Variants in ZNF423 observed in about 807,000 individuals in gnomAD.
ZNF423 encodes zinc finger protein 423, also known as Ebf-associated zinc finger protein.
A neutral mutation model predicts 95.8 loss-of-function variants in ZNF423; 12 were observed. The observed-to-expected ratio is 0.13, with a 90% CI of 0.08 to 0.20. ZNF423 has a LOEUF of 0.20. Ranked by LOEUF, ZNF423 falls within the 10% of genes least tolerant of loss-of-function variation. The pLI is 1.00. For missense variants in ZNF423, 1,316 were observed against 1,737.1 expected (o/e 0.76, Z 4.31); for synonymous variants, 749 against 711.9 (o/e 1.05, Z -0.83).
chr16:49,790,943 C>T (rs1452826073), intron 1 of ZNF423, among the ~76,000 whole-genome samples: 1 of 152,174 alleles, frequency 6.6e-6, no homozygotes, highest in African/African-American at 2.4e-5. Flanking sequence ...GCCCAACCAA[C>T]CGAGTGGGGG....
intron 3 of ZNF423, among the ~76,000 whole-genome samples, chr16:49,659,048 C>T (rs547121972): frequency 2.6e-5 from 4 of 152,334 alleles, no homozygotes; most frequent in Non-Finnish European, 5.9e-5. Flanking sequence ...TTTACTCACT[C>T]ATATTAGTCT....
At chr16:49,819,205 G>A (rs913900700) in intron 1 of ZNF423, among the ~76,000 whole-genome samples, 30 of 142,928 alleles carry the variant, frequency 2.1e-4, no homozygotes, top group African/African-American at 7.0e-4. Flanking sequence ...AGCAGAGATC[G>A]TGCCACTGCA....
rs35483861 is a variant in ZNF423, at chr16:49,560,850, CCTT to C, written c.3602-35359_3602-35357del. Among the ~76,000 whole-genome samples, 510 of 152,316 alleles carry C rather than the reference CCTT, an allele frequency of 3.3e-3. 1 individual carries two copies. The highest frequency in any genetic ancestry group is 5.2e-3 in the Non-Finnish European group (352 of 68,036). On this transcript the variant is annotated intron_variant, in intron 5 of 7. Coordinates refer to ENST00000563137, the MANE Select transcript of ZNF423 (RefSeq NM_001379286.1). ...GAAGCCAAGCCTGGATTCTCCCCCT[CCTT>C]CTTCACCTCTTCTTTTCTTCTTTTC...
rs981869883 is a variant in ZNF423, at chr16:49,717,230, C to T, written c.301+13541G>A. 4.1e-5 allele frequency among the ~76,000 whole-genome samples: 6 copies of T among 147,946 alleles called. No homozygotes were observed. The East Asian group carries it at 1.2e-3, about 29-fold the overall frequency. ...CATCCCCACTCCCCCACTGCCCTGG[C>T]ACACAGAGGCATCTTACCCAGAGGC... On this transcript the variant is annotated intron_variant, in intron 3 of 7. Transcript: ENST00000563137.
chr16:49,514,614 G>C (rs1051012324), intron 7 of ZNF423, among the ~76,000 whole-genome samples: 1 of 152,110 alleles, frequency 6.6e-6, no homozygotes, highest in African/African-American at 2.4e-5. Flanking sequence ...AAAGGGCTCC[G>C]GGTTGCTTGT....
At position 49,638,053 on chromosome 16, in the gene ZNF423, T is replaced by C; in HGVS notation, c.1123A>G (p.Met375Val). 6.2e-7 allele frequency: 1 copy of C among 1,613,920 alleles called. No homozygotes were observed. The change falls in exon 4 of 8, where the codon ATG (methionine) becomes GTG (valine). Residue 375 changes from methionine (M) to valine (V), a missense_variant. By Grantham distance (21) the Met-to-Val change is conservative. This residue lies in a region of ZNF423 where 399 missense variants were observed against 478.5 expected (regional missense o/e 0.83). Coordinates refer to ENST00000563137, the MANE Select transcript of ZNF423 (RefSeq NM_001379286.1). The surrounding 1 kb of genome is among the most constrained non-coding windows in gnomAD (Gnocchi z 5.6). ...PDPVLGSVAS[M>V]SSATPDSSAS... Reference sequence around the variant, plus strand: ...CTGGAGTCGGGTGTGGCGCTGCTCATGGAGGCCACGCTGCCCAGTACAGGG... The same window carrying C: ...CTGGAGTCGGGTGTGGCGCTGCTCACGGAGGCCACGCTGCCCAGTACAGGG...
chr16:49,827,556 C>A (rs2035018742), intron 1 of ZNF423, among the ~76,000 whole-genome samples: 1 of 151,930 alleles, frequency 6.6e-6, no homozygotes, highest in Admixed American at 6.6e-5. Context: ...CATTCTATCT[C>A]CCAGGCTGGA....
chr16:49,717,041 C>T (rs967398464), intron 3 of ZNF423, among the ~76,000 whole-genome samples: 6 of 152,282 alleles, frequency 3.9e-5, no homozygotes, highest in East Asian at 1.9e-4. Context: ...TCTCCTCCCC[C>T]GCCACCCTCT....
At chr16:49,634,272 G>C (rs34190927) in intron 4 of ZNF423, among the ~76,000 whole-genome samples, 1 of 149,158 alleles carries the variant, frequency 6.7e-6, no homozygotes, top group African/African-American at 2.5e-5. Context: ...GCAATGGTGT[G>C]ATCATAGCTA....
At chr16:49,601,722 G>A (rs1971379499) in intron 5 of ZNF423, among the ~76,000 whole-genome samples, 1 of 152,222 alleles carries the variant, frequency 6.6e-6, no homozygotes, top group Non-Finnish European at 1.5e-5. Flanking sequence ...CTTCTCTCTG[G>A]GCTCAGTCAG....
At chr16:49,575,690 C>T (rs1361592523) in intron 5 of ZNF423, among the ~76,000 whole-genome samples, 1 of 152,196 alleles carries the variant, frequency 6.6e-6, no homozygotes, top group African/African-American at 2.4e-5. Context: ...GCAGCATTTG[C>T]CCTGGGTGTC....
intron 5 of ZNF423, among the ~76,000 whole-genome samples, chr16:49,554,354 C>A (rs1162197621): frequency 6.6e-6 from 1 of 152,168 alleles, no homozygotes; most frequent in African/African-American, 2.4e-5. Context: ...GGAGGCAAGA[C>A]CCACACCACC....
intron 7 of ZNF423, among the ~76,000 whole-genome samples, chr16:49,513,242 C>T (rs983800868): frequency 6.6e-6 from 1 of 152,198 alleles, no homozygotes; most frequent in Non-Finnish European, 1.5e-5. Context: ...GGAACCACCA[C>T]TGGGTGTCAG....
At chr16:49,799,170 G>A (rs2034543530) in intron 1 of ZNF423, among the ~76,000 whole-genome samples, 2 of 152,190 alleles carry the variant, frequency 1.3e-5, no homozygotes, top group African/African-American at 4.8e-5. Flanking sequence ...TTCTGTCTCT[G>A]TAAAATGGGG....
intron 2 of ZNF423, among the ~76,000 whole-genome samples, chr16:49,745,142 A>C (rs956921614): frequency 9.9e-5 from 15 of 152,226 alleles, no homozygotes; most frequent in Non-Finnish European, 2.2e-4. Context: ...CCATGCAGGA[A>C]AGGTTATTAT....
At chr16:49,815,658 A>G (rs539183413) in intron 1 of ZNF423, among the ~76,000 whole-genome samples, 45 of 151,936 alleles carry the variant, frequency 3.0e-4, no homozygotes, top group African/African-American at 8.9e-4. Context: ...CCAGCCAGGT[A>G]ACATTAAAGG....
At position 49,853,709 on chromosome 16, in the gene ZNF423, G is replaced by A. The variant is rs929332454; in HGVS notation, c.40+2026C>T. On this transcript the variant is annotated intron_variant, in intron 1 of 7. Coordinates refer to ENST00000563137, the MANE Select transcript of ZNF423 (RefSeq NM_001379286.1). ...CATTTCAAGGCTCATTTCATGAAAG[G>A]CTGAAGACCAATTCTTGAGTCCTTC... is the stretch of plus-strand genomic sequence containing the variant. The A allele has an allele frequency of 7.1e-6, 7 of 985,208 alleles. No individual in the cohort carries two copies. The African/African-American group carries it at 1.2e-4, about 17-fold the overall frequency. The allele number at this position is 985,208 out of a possible 1,614,324, so 61.0% of individuals were successfully genotyped here.
chr16:49,674,528 C>A (rs1365864141), intron 3 of ZNF423, among the ~76,000 whole-genome samples: 2 of 152,238 alleles, frequency 1.3e-5, no homozygotes, highest in Non-Finnish European at 2.9e-5. Flanking sequence ...GAGCCCACAT[C>A]TGACCCCAGG....
intron 3 of ZNF423, among the ~76,000 whole-genome samples, chr16:49,677,347 A>G (rs1181940818): frequency 4.7e-4 from 5 of 10,608 alleles, no homozygotes; most frequent in Non-Finnish European, 6.3e-4. Context: ...GGAGGGGAGG[A>G]GGGGAGGGGA....
Sources: gnomAD v4.1 joint callset for allele counts (sites outside exome capture counted in the v4.1 genomes callset) on GRCh38, gnomAD v4.1.1 for gene constraint, gnomAD v4.1.1 regional missense constraint, Gnocchi (gnomAD v3.1) non-coding constraint, MANE v1.5 for transcripts, NCBI Gene and HGNC (gene_info 2026-07-23, HGNC 2026-07-21) for gene names.